Variants in KMT5B observed in about 807,000 individuals in gnomAD.
KMT5B encodes histone-lysine N-methyltransferase KMT5B.
KMT5B carries 10 observed loss-of-function variants against 83.2 expected under a neutral mutation model. The observed-to-expected ratio is 0.12, with a 90% CI of 0.07 to 0.20. The LOEUF is 0.20. KMT5B is among the 10% of genes least tolerant of loss of function. KMT5B has a pLI of 1.00. For synonymous variants in KMT5B, 349 were observed against 388.8 expected (o/e 0.90, Z 1.20); for missense variants, 753 against 1,067.2 (o/e 0.71, Z 4.10).
chr11:68,174,982 C>T, intron 5 of KMT5B, 36 bp downstream of exon 5: 2 of 1,575,604 alleles, frequency 1.3e-6, no homozygotes, highest in South Asian at 1.1e-5. Context: ...TATTCTTATC[C>T]AAATAGGTTA....
At chr11:68,174,005 GA>G in intron 5 of KMT5B, 92 bp from the exon 6 acceptor site, 3 of 856,550 alleles carry the variant, frequency 3.5e-6, no homozygotes, top group East Asian at 5.1e-5. Flanking sequence ...CCGCAATGAT[GA>G]AAAAAATGTA....
intron 3 of KMT5B, among the ~76,000 whole-genome samples, chr11:68,180,425 G>C (rs1012879240): frequency 7.2e-5 from 11 of 152,112 alleles, no homozygotes; most frequent in Non-Finnish European, 1.3e-4. Flanking sequence ...TAGAAGCTTT[G>C]AAAACATTCT....
intron 1 of KMT5B, among the ~76,000 whole-genome samples, chr11:68,211,443 C>T (rs1236260100): frequency 6.6e-6 from 1 of 152,252 alleles, no homozygotes; most frequent in Non-Finnish European, 1.5e-5. Flanking sequence ...TCCCTTCACT[C>T]TCCAGCTCAG....
At chr11:68,181,075 C>CTCT (rs760666744) in intron 3 of KMT5B, among the ~76,000 whole-genome samples, 2 of 143,716 alleles carry the variant, frequency 1.4e-5, no homozygotes, top group South Asian at 2.2e-4. Context: ...TTTCTTTTTT[C>CTCT]TTTTTTTTTT....
intron 1 of KMT5B, among the ~76,000 whole-genome samples, chr11:68,198,727 C>G (rs561336197): frequency 7.2e-4 from 110 of 152,286 alleles, no homozygotes; most frequent in African/African-American, 2.6e-3. Flanking sequence ...CAAGAAAGTA[C>G]TGACTGCTTC....
Position 68,171,803 on chromosome 11 carries a change from C to A in KMT5B, c.654-94G>T. On this transcript the variant is annotated intron_variant, in intron 6 of 10. Transcript: ENST00000304363. This position sits in a 1 kb window ranked among gnomAD's most constrained non-coding sequence, Gnocchi z 5.1. ...TAATCCTGACAATAAATATCAGAAA[C>A]TGAAAAGGCCTAGCTGTCTATACTT... is the stretch of plus-strand genomic sequence containing the variant. 5.8e-6 allele frequency: 6 copies of A among 1,037,302 alleles called. No individual in the cohort carries two copies. The South Asian group carries it at 1.0e-4, about 17-fold the overall frequency. The allele number at this position is 1,037,302 out of a possible 1,614,324, so 64.3% of individuals were successfully genotyped here.
chr11:68,174,171 C>T (rs1856117959), intron 5 of KMT5B: 1 of 568,716 alleles, frequency 1.8e-6, no homozygotes, highest in East Asian at 4.1e-5. Context: ...ATAATCAGGC[C>T]ACTGCACTCC....
At chr11:68,188,921 C>CA (rs1208988790) in intron 2 of KMT5B, among the ~76,000 whole-genome samples, 1 of 152,194 alleles carries the variant, frequency 6.6e-6, no homozygotes, top group Non-Finnish European at 1.5e-5. Flanking sequence ...GAGGACCACT[C>CA]ATTCAGTCTT....
chr11:68,173,197 C>T (rs1185039098), intron 6 of KMT5B, among the ~76,000 whole-genome samples: 3 of 152,058 alleles, frequency 2.0e-5, no homozygotes, highest in Non-Finnish European at 2.9e-5. Flanking sequence ...TGTGCTACCA[C>T]GCCCAGCTAA....
At chr11:68,206,651 A>G (rs1860153125) in intron 1 of KMT5B, among the ~76,000 whole-genome samples, 1 of 152,218 alleles carries the variant, frequency 6.6e-6, no homozygotes, top group Non-Finnish European at 1.5e-5. Context: ...GTTTGGCACA[A>G]GATATTTTAA....
chr11:68,199,060 C>T (rs1209406226), intron 1 of KMT5B, among the ~76,000 whole-genome samples: 9 of 152,120 alleles, frequency 5.9e-5, no homozygotes, highest in Admixed American at 5.9e-4. Flanking sequence ...GGTGTATTAG[C>T]TTGGTGCAAA....
chr11:68,213,382 GGCCGCCGCC>G (rs1202512636), upstream of KMT5B: 2 of 132,366 alleles, frequency 1.5e-5, no homozygotes, highest in East Asian at 2.5e-4. Flanking sequence ...GCCCCCAACC[GGCCGCCGCC>G]GCCGCCGTCG....
intron 1 of KMT5B, among the ~76,000 whole-genome samples, chr11:68,196,154 C>CTAAAA (rs889255982): frequency 2.1e-4 from 32 of 152,058 alleles, no homozygotes; most frequent in Non-Finnish European, 3.2e-4. Context: ...AAGACCCTGT[C>CTAAAA]TAAAATAAAA....
intron 1 of KMT5B, among the ~76,000 whole-genome samples, chr11:68,197,446 T>C (rs944521336): frequency 1.3e-5 from 2 of 152,154 alleles, no homozygotes; most frequent in Non-Finnish European, 2.9e-5. Context: ...AAAGAATAGA[T>C]ACAAAATTTT....
At chr11:68,213,596 C>G (rs1861285889), upstream of KMT5B, 1 of 153,710 alleles carries the variant, frequency 6.5e-6, no homozygotes, top group Middle Eastern at 3.3e-3. Flanking sequence ...CTCATCGCCC[C>G]GCTGCCCTGC....
intron 10 of KMT5B, chr11:68,165,658 T>G: frequency 1.7e-6 from 2 of 1,182,896 alleles, no homozygotes; most frequent in Non-Finnish European, 2.2e-6. Context: ...ATGTCTGCAT[T>G]TATAAAATGG....
rs2153097442 is a variant in KMT5B, at chr11:68,213,204, G to A, written c.-143C>T. On this transcript the variant is annotated 5_prime_UTR_variant, in exon 1 of 11. Transcript: ENST00000304363. The stretch of plus-strand genomic sequence containing the variant: ...CCCGCTGCCCGGCCGCTGCGATGCG[G>A]GGCCGCGCCGCCGGGCCCCGCGTCC... 1 of 141,476 alleles carries A rather than the reference G, an allele frequency of 7.1e-6. No homozygotes were observed. Among genetic ancestry groups the A allele is most frequent in the Non-Finnish European group, 1.6e-5 (1 of 63,794 alleles). The allele number at this position is 141,476 out of a possible 1,614,324, so 8.8% of individuals were successfully genotyped here.
In KMT5B at chr11:68,158,969, C is replaced by T; in HGVS notation, c.1377G>A (p.Lys459=). 6.2e-7 allele frequency: 1 copy of T among 1,612,406 alleles called. No homozygotes were observed. Among genetic ancestry groups the T allele is most frequent in the South Asian group, 1.1e-5 (1 of 90,530 alleles). Residue 459 remains lysine (K), a synonymous_variant, in exon 11 of 11, where the codon AAG becomes AAA. Transcript: ENST00000304363. ...TTGAAGCATTCTTTTGCTCCAGCCGCTTGCAATGATTTCTCAATTTTATCT... is the reference window on the plus strand; with the variant it reads ...TTGAAGCATTCTTTTGCTCCAGCCGTTTGCAATGATTTCTCAATTTTATCT... ...LSKIKLRNHC[K]RLEQKNASRK... is the part of the protein sequence containing the mutation.
intron 1 of KMT5B, among the ~76,000 whole-genome samples, chr11:68,205,011 TAC>T (rs1859911582): frequency 6.6e-6 from 1 of 152,106 alleles, no homozygotes; most frequent in African/African-American, 2.4e-5. Context: ...AGAAACGCTT[TAC>T]AGTTACCACA....
Sources: allele counts gnomAD v4.1 joint callset (sites outside exome capture counted in the v4.1 genomes callset), GRCh38; gene constraint gnomAD v4.1.1; non-coding constraint Gnocchi (gnomAD v3.1); transcripts MANE v1.5; gene names NCBI Gene and HGNC (gene_info 2026-07-23, HGNC 2026-07-21).